The following SMYD3 variants were observed in gnomAD, a reference collection of about 807,000 sequenced individuals.
SMYD3 encodes the protein SET and MYND domain containing 3.
In SMYD3, 36 loss-of-function variants were observed where a neutral mutation model predicts 57.7. The ratio of observed to expected loss-of-function variants is 0.62; its 90% CI spans 0.48 to 0.82. The LOEUF is 0.82. Ranked by LOEUF, SMYD3 falls within the 40% of genes least tolerant of loss-of-function variation. SMYD3 has a pLI of 0.00. For synonymous variants in SMYD3, 211 were observed against 195.0 expected, an observed-to-expected ratio of 1.08 and a Z score of -0.68; for missense variants, 515 against 538.8, an observed-to-expected ratio of 0.96 and a Z score of 0.44.
intron 5 of SMYD3, among the ~76,000 whole-genome samples, chr1:246,200,438 A>G (rs1053312275): frequency 2.6e-5 from 4 of 151,138 alleles, no homozygotes; most frequent in Admixed American, 1.3e-4. Flanking sequence ...GATAGAGAAG[A>G]TGGAGAACAG....
intron 9 of SMYD3, among the ~76,000 whole-genome samples, chr1:245,861,395 G>A (rs2051539485): frequency 6.6e-6 from 1 of 152,204 alleles, no homozygotes; most frequent in Non-Finnish European, 1.5e-5. Context: ...AGGATCAGGG[G>A]AAGAGAAAGG....
rs763837514 is a variant in SMYD3, at chr1:246,245,800, T to C, written c.531+81401A>G. Among the ~76,000 whole-genome samples, 95 of 152,216 alleles carry C rather than the reference T, an allele frequency of 6.2e-4. 2 individuals are homozygous for C. The highest frequency in any genetic ancestry group is 2.4e-4 in the Non-Finnish European group (16 of 68,020). ...CCACTAAAGGCCTTGTTCATCAAGA[T>C]TCCAGAGGTGATTTCTATTCATATT... On this transcript the variant is annotated intron_variant, in intron 5 of 11. Transcript: ENST00000490107.
intron 1 of SMYD3, among the ~76,000 whole-genome samples, chr1:246,361,414 T>C (rs963364569): frequency 6.6e-5 from 10 of 152,330 alleles, no homozygotes; most frequent in Admixed American, 6.5e-4. Flanking sequence ...AAAGTAAATC[T>C]ACCATTTGAT....
intron 5 of SMYD3, among the ~76,000 whole-genome samples, chr1:245,946,632 A>T (rs1472507481): frequency 2.0e-5 from 3 of 152,184 alleles, no homozygotes; most frequent in Non-Finnish European, 4.4e-5. Flanking sequence ...AAACTCAGTT[A>T]TGAAGGAAGT....
chr1:245,868,103 CT>C (rs1305588361), intron 8 of SMYD3, among the ~76,000 whole-genome samples: 1 of 152,220 alleles, frequency 6.6e-6, no homozygotes, highest in Non-Finnish European at 1.5e-5. Flanking sequence ...AGTGAACTAA[CT>C]TGGTAATGAT....
chr1:246,332,504 A>G (rs1351347021), intron 3 of SMYD3, among the ~76,000 whole-genome samples: 4 of 152,250 alleles, frequency 2.6e-5, no homozygotes, highest in African/African-American at 9.6e-5. Context: ...AGCCATCTCC[A>G]TAACATAAAA....
chr1:246,049,930 T>C (rs1274099929), intron 5 of SMYD3, among the ~76,000 whole-genome samples: 1 of 152,090 alleles, frequency 6.6e-6, no homozygotes, highest in Non-Finnish European at 1.5e-5. Context: ...AGATAAAATA[T>C]ACAAATTTTT....
At chr1:245,978,251 G>T (rs77631544) in intron 5 of SMYD3, among the ~76,000 whole-genome samples, 1 of 152,186 alleles carries the variant, frequency 6.6e-6, no homozygotes, top group African/African-American at 2.4e-5. Flanking sequence ...TAATTGATAA[G>T]TTCATCTAGG....
At chr1:246,460,389 GATCA>G (rs2067778695) in intron 1 of SMYD3, among the ~76,000 whole-genome samples, 1 of 152,156 alleles carries the variant, frequency 6.6e-6, no homozygotes, top group Admixed American at 6.5e-5. Context: ...TGTGGATCTT[GATCA>G]ATTTGTAAAA....
At chr1:246,060,308 G>T (rs960266920) in intron 5 of SMYD3, among the ~76,000 whole-genome samples, 25 of 146,212 alleles carry the variant, frequency 1.7e-4, no homozygotes, top group Non-Finnish European at 7.6e-5. Context: ...TAAAGGTTGC[G>T]TTTTTTTTTT....
chr1:245,953,357 T>C, intron 5 of SMYD3: 1 of 984,922 alleles, frequency 1.0e-6, no homozygotes, highest in Non-Finnish European at 1.2e-6. Context: ...GATGTAACTC[T>C]GAAAAAAATA....
chr1:246,051,408 AC>A (rs1361183350), intron 5 of SMYD3, among the ~76,000 whole-genome samples: 2 of 152,108 alleles, frequency 1.3e-5, no homozygotes, highest in African/African-American at 4.8e-5. Context: ...GACATGAGCC[AC>A]CTCACCCAGC....
At chr1:245,887,734 T>C (rs1460586070) in intron 8 of SMYD3, among the ~76,000 whole-genome samples, 2 of 152,150 alleles carry the variant, frequency 1.3e-5, no homozygotes, top group Admixed American at 6.5e-5. Context: ...AATTAAACTG[T>C]GTCTGGGTAT....
chr1:246,418,644 G>C (rs140421931), intron 1 of SMYD3, among the ~76,000 whole-genome samples: 1 of 152,308 alleles, frequency 6.6e-6, no homozygotes, highest in African/African-American at 2.4e-5. Context: ...GTTTTATTGA[G>C]TAAAGTAGCT....
intron 1 of SMYD3, among the ~76,000 whole-genome samples, chr1:246,500,211 C>T (rs113549261): frequency 2.1e-3 from 319 of 152,292 alleles, no homozygotes; most frequent in Middle Eastern, 0.01. Flanking sequence ...GGTCACTGCC[C>T]GCACCCTAGC....
chr1:246,068,747 A>C (rs1001209971), intron 5 of SMYD3, among the ~76,000 whole-genome samples: 1 of 152,250 alleles, frequency 6.6e-6, no homozygotes, highest in Non-Finnish European at 1.5e-5. Flanking sequence ...ATTAGTAACA[A>C]ATCAAAGAAC....
chr1:246,398,778 T>C (rs7517368), intron 1 of SMYD3, among the ~76,000 whole-genome samples: 151,182 of 152,270 alleles, frequency 0.99, 75,061 homozygotes, highest in East Asian at 1. Flanking sequence ...TGGAGGAAGA[T>C]AAACAGGTGA....
chr1:246,402,968 A>G (rs970708645), intron 1 of SMYD3, among the ~76,000 whole-genome samples: 5 of 152,196 alleles, frequency 3.3e-5, no homozygotes, highest in Non-Finnish European at 5.9e-5. Flanking sequence ...AATGTCACAG[A>G]CTGAATAAAA....
At chr1:246,079,490 C>A (rs532873030) in intron 5 of SMYD3, among the ~76,000 whole-genome samples, 1 of 152,286 alleles carries the variant, frequency 6.6e-6, no homozygotes, top group African/African-American at 2.4e-5. Flanking sequence ...AACTAGACTG[C>A]ACTGTATTTT....
Sources: allele counts gnomAD v4.1 joint callset (sites outside exome capture counted in the v4.1 genomes callset), GRCh38; gene constraint gnomAD v4.1.1; transcripts MANE v1.5; gene names NCBI Gene and HGNC (gene_info 2026-07-23, HGNC 2026-07-21).